The following LRPPRC variants were observed in gnomAD, a reference collection of about 807,000 sequenced individuals.
LRPPRC encodes leucine rich pentatricopeptide repeat containing, also known as leucine-rich PPR motif-containing protein, mitochondrial.
Under a neutral mutation model 180.3 loss-of-function variants are expected in LRPPRC, and 120 were observed. That is an observed-to-expected ratio of 0.67 (90% CI 0.57 to 0.77). The LOEUF is 0.77. Among genes scored for constraint, LRPPRC ranks in the 30% least tolerant of loss-of-function variants. The pLI is 0.00. For synonymous variants in LRPPRC, 723 were observed against 600.0 expected (o/e 1.21, Z -3.00); for missense variants, 2,012 against 1,657.2 (o/e 1.21, Z -3.72).
At chr2:43,970,384 G>A (rs1673751633) in intron 11 of LRPPRC, among the ~76,000 whole-genome samples, 1 of 152,150 alleles carries the variant, frequency 6.6e-6, no homozygotes, top group Admixed American at 6.5e-5. Context: ...AAGATATTCT[G>A]TTCAGTAACT....
At chr2:43,973,470 G>C (rs943803602) in intron 11 of LRPPRC, 137 bp downstream of exon 11, 3 of 699,822 alleles carry the variant, frequency 4.3e-6, no homozygotes, top group African/African-American at 1.8e-5. Flanking sequence ...AATACTTCAT[G>C]ATGACTTAAA....
intron 23 of LRPPRC, among the ~76,000 whole-genome samples, chr2:43,935,337 T>C (rs1572940026): frequency 1.3e-5 from 2 of 152,216 alleles, no homozygotes; most frequent in Non-Finnish European, 2.9e-5. Flanking sequence ...TGTCCACCAA[T>C]AGCTAATAAG....
At chr2:43,934,661 T>C in intron 24 of LRPPRC, 93 bp downstream of exon 24, 1 of 1,069,488 alleles carries the variant, frequency 9.4e-7, no homozygotes, top group Non-Finnish European at 1.4e-6. Flanking sequence ...CTGAATGTGC[T>C]GGCCTTCTGC....
chr2:43,917,962 C>A, intron 29 of LRPPRC, 63 bp downstream of exon 29: 1 of 1,174,854 alleles, frequency 8.5e-7, no homozygotes, highest in Non-Finnish European at 1.3e-6. Flanking sequence ...GGCTTACACC[C>A]CACACTGCTA....
intron 14 of LRPPRC, 95 bp from the exon 15 acceptor site, chr2:43,950,695 T>C (rs1672865195): frequency 3.4e-6 from 3 of 874,482 alleles, no homozygotes; most frequent in East Asian, 2.5e-5. Flanking sequence ...TTAAAATTAA[T>C]AAGTAAATAA....
intron 22 of LRPPRC, among the ~76,000 whole-genome samples, chr2:43,944,792 T>G (rs570774257): frequency 6.6e-6 from 1 of 152,100 alleles, no homozygotes; most frequent in Non-Finnish European, 1.5e-5. Context: ...ACGAGAAAAT[T>G]TGAGTATGCA....
intron 11 of LRPPRC, among the ~76,000 whole-genome samples, chr2:43,965,638 T>C (rs1673522558): frequency 1.3e-5 from 2 of 152,108 alleles, no homozygotes; most frequent in South Asian, 4.1e-4. Context: ...ACCTAAAATA[T>C]ATAATAAGGA....
In LRPPRC at chr2:43,887,365, C is replaced by T. The variant is rs140471585; in HGVS notation, c.*1235G>A. 2.6e-5 allele frequency: 4 copies of T among 152,272 alleles called. No individual in the cohort carries two copies. The East Asian group carries it at 7.7e-4, about 29-fold the overall frequency. The allele number at this position is 152,272 out of a possible 1,614,324, so 9.4% of individuals were successfully genotyped here. A position where few individuals can be genotyped will look rare whatever the true frequency, so the allele number is the denominator to read the frequency against. ...TACTTCCTGGCTTCCCGCCATCAAC[C>T]CTCCCTCACACCATCTGCGGGCAGG... On this transcript the variant is annotated 3_prime_UTR_variant, in exon 38 of 38. Coordinates refer to ENST00000260665, the MANE Select transcript of LRPPRC (RefSeq NM_133259.4).
chr2:43,977,137 A>C lies in LRPPRC; in HGVS notation c.591+18T>G. On this transcript the variant is annotated intron_variant, in intron 4 of 37. Coordinates refer to ENST00000260665, the MANE Select transcript of LRPPRC (RefSeq NM_133259.4). ...AAATGGTGGATGTGAAAATATATTC[A>C]CAATAGCAACTACTTACTCGATTTG... The C allele has an allele frequency of 6.2e-7, 1 of 1,611,256 alleles. No individual in the cohort carries two copies. The highest frequency in any genetic ancestry group is 8.5e-7 in the Non-Finnish European group (1 of 1,177,586).
At chr2:43,979,684 CAAAT>C (rs1413523250) in intron 3 of LRPPRC, 138 bp downstream of exon 3, 5 of 704,454 alleles carry the variant, frequency 7.1e-6, no homozygotes, top group African/African-American at 1.8e-5. Context: ...TATACCTCAC[CAAAT>C]AAATATTATC....
chr2:43,911,016 G>A (rs1382763343), intron 30 of LRPPRC, among the ~76,000 whole-genome samples: 1 of 151,844 alleles, frequency 6.6e-6, no homozygotes, highest in African/African-American at 2.4e-5. Context: ...GGGTTGGGAT[G>A]GAGAGTTTCA....
rs572783698 is a variant in LRPPRC, at chr2:43,934,736, T to C, written c.2629+18A>G. 134 of 1,610,736 alleles carry C rather than the reference T, an allele frequency of 8.3e-5. No individual in the cohort carries two copies. The South Asian group carries it at 1.3e-3, about 16-fold the overall frequency. On this transcript the variant is annotated intron_variant, in intron 24 of 37. Coordinates refer to ENST00000260665, the MANE Select transcript of LRPPRC (RefSeq NM_133259.4). ...AAGGGAAAAAAAAACTACATTAAGA[T>C]ACTAGAAAGTGACTCACCTTTCTGA...
At chr2:43,969,819 A>C (rs62135112) in intron 11 of LRPPRC, among the ~76,000 whole-genome samples, 13,522 of 151,930 alleles carry the variant, frequency 0.089, 672 homozygotes, top group South Asian at 0.15. Flanking sequence ...AGCAGCTAGG[A>C]GTATGCCACC....
chr2:43,919,764 A>C (rs562921955), intron 27 of LRPPRC, among the ~76,000 whole-genome samples: 4 of 152,228 alleles, frequency 2.6e-5, no homozygotes, highest in Non-Finnish European at 5.9e-5. Flanking sequence ...GTGTAATACA[A>C]TTATTAAATG....
chr2:43,911,327 T>A (rs968284195), intron 30 of LRPPRC, among the ~76,000 whole-genome samples: 1 of 151,948 alleles, frequency 6.6e-6, no homozygotes, highest in Non-Finnish European at 1.5e-5. Flanking sequence ...GAACATGTTT[T>A]TCAACATTAA....
At chr2:43,946,650 T>C (rs1413429469) in intron 20 of LRPPRC, among the ~76,000 whole-genome samples, 1 of 152,056 alleles carries the variant, frequency 6.6e-6, no homozygotes, top group African/African-American at 2.4e-5. Context: ...TATGAAGAAA[T>C]ATTTTAGAAT....
upstream of LRPPRC, chr2:43,996,013 G>C (rs1174285781): frequency 4.0e-6 from 6 of 1,494,040 alleles, no homozygotes; most frequent in East Asian, 1.6e-4. Context: ...TGTGACCGCA[G>C]GGTAGCCTGG....
intron 11 of LRPPRC, among the ~76,000 whole-genome samples, chr2:43,969,862 G>A (rs530145612): frequency 6.6e-6 from 1 of 152,096 alleles, no homozygotes; most frequent in East Asian, 1.9e-4. Flanking sequence ...TTTTTGTAGA[G>A]ACAGGATTTT....
Position 43,987,380 on chromosome 2 carries a change from A to G in LRPPRC, c.150-4946T>C, listed in dbSNP as rs1028675303. 3.3e-5 allele frequency among the ~76,000 whole-genome samples: 5 copies of G among 150,934 alleles called. No homozygotes were observed. The South Asian group carries it at 6.3e-4, about 19-fold the overall frequency. ...GGCCGTGGCGGGCGCCTATAGTCCC[A>G]GCTACTCAGGAAGCTGAGGCAGGAG... On this transcript the variant is annotated intron_variant, in intron 1 of 37. Transcript: ENST00000260665.
Sources: gnomAD v4.1 joint callset for allele counts (sites outside exome capture counted in the v4.1 genomes callset) on GRCh38, gnomAD v4.1.1 for gene constraint, MANE v1.5 for transcripts, NCBI Gene and HGNC (gene_info 2026-07-23, HGNC 2026-07-21) for gene names.